Variants in SEMA4D observed in about 807,000 individuals in gnomAD.
SEMA4D encodes the protein semaphorin 4D.
Under a neutral mutation model 74.8 loss-of-function variants are expected in SEMA4D, and 22 were observed. That is an observed-to-expected ratio of 0.29 (90% CI 0.21 to 0.42). The LOEUF (loss-of-function observed/expected upper bound fraction) is 0.42, where lower values mean the gene tolerates loss of function less well. Among genes scored for constraint, SEMA4D ranks in the 10% least tolerant of loss-of-function variants. The pLI is 1.00. For synonymous variants in SEMA4D, 445 were observed against 463.7 expected, an observed-to-expected ratio of 0.96 and a Z score of 0.52; for missense variants, 937 against 1,118.4, an observed-to-expected ratio of 0.84 and a Z score of 2.31.
At chr9:89,418,101 C>T (rs1036303987) in intron 2 of SEMA4D, 27 of 984,908 alleles carry the variant, frequency 2.7e-5, no homozygotes, top group Non-Finnish European at 3.1e-5. Flanking sequence ...TCTAGAAAGA[C>T]GTCTTCAGAA....
intron 8 of SEMA4D, 77 bp from the exon 9 acceptor site, chr9:89,391,492 C>A: frequency 1.4e-6 from 2 of 1,463,990 alleles, no homozygotes; most frequent in Non-Finnish European, 1.9e-6. Flanking sequence ...ACGAGGCCGG[C>A]CAACACTACC....
intron 2 of SEMA4D, among the ~76,000 whole-genome samples, chr9:89,435,026 G>A (rs906474183): frequency 2.0e-5 from 3 of 152,136 alleles, no homozygotes; most frequent in African/African-American, 7.2e-5. Flanking sequence ...TTAATACTGG[G>A]AAGTCCCAAC....
At chr9:89,414,502 G>A (rs1328465623) in intron 2 of SEMA4D, among the ~76,000 whole-genome samples, 1 of 152,140 alleles carries the variant, frequency 6.6e-6, no homozygotes, top group Non-Finnish European at 1.5e-5. Flanking sequence ...ACCATGCCCT[G>A]CCAGTACCTG....
intron 2 of SEMA4D, among the ~76,000 whole-genome samples, chr9:89,437,122 G>A (rs147347379): frequency 1.7e-3 from 259 of 152,314 alleles, no homozygotes; most frequent in African/African-American, 5.8e-3. Flanking sequence ...CTGGGCAGAC[G>A]ACCCTAAAAC....
chr9:89,378,473 C>T lies in SEMA4D; in HGVS notation c.*231G>A, dbSNP rs906625714. 11 of 524,100 alleles carry T rather than the reference C, an allele frequency of 2.1e-5. No individual in the cohort carries two copies. Among genetic ancestry groups the T allele is most frequent in the African/African-American group, 5.7e-5 (3 of 52,470 alleles). The allele number at this position is 524,100 out of a possible 1,614,324, so 32.5% of individuals were successfully genotyped here. A position where few individuals can be genotyped will look rare whatever the true frequency, so the allele number is the denominator to read the frequency against. On this transcript the variant is annotated 3_prime_UTR_variant, in exon 16 of 16. Transcript: ENST00000422704. ...CTTCTTCAAGTACTCCGACTGACTT[C>T]GGAACACAAGACTGGGATGCAATGC...
At chr9:89,421,514 G>A (rs1035575234) in intron 2 of SEMA4D, among the ~76,000 whole-genome samples, 9 of 152,314 alleles carry the variant, frequency 5.9e-5, no homozygotes, top group Middle Eastern at 3.4e-3. Flanking sequence ...TATACCCCAT[G>A]TGTGCAATAT....
intron 1 of SEMA4D, among the ~76,000 whole-genome samples, chr9:89,458,880 A>C (rs539931311): frequency 4.6e-5 from 7 of 152,230 alleles, no homozygotes; most frequent in African/African-American, 1.7e-4. Context: ...ACACATGCAC[A>C]AACATATGTA....
In SEMA4D at chr9:89,391,379, C is replaced by T; in HGVS notation, c.659G>A (p.Ser220Asn). The T allele has an allele frequency of 1.2e-6, 2 of 1,614,250 alleles. No homozygotes were observed. Among genetic ancestry groups the T allele is most frequent in the Non-Finnish European group, 1.7e-6 (2 of 1,180,056 alleles). ...ATCCTCGCCGTCGGGGCTGTCTGGG[C>T]TTTTTCGGATCACGTCAGCAAACAC... is the stretch of plus-strand genomic sequence containing the variant. Reference protein sequence around the residue: ...SFVFADVIRKSPDSPDGEDDR... With the variant: ...SFVFADVIRKNPDSPDGEDDR... Residue 220 changes from serine to asparagine, a missense_variant, in exon 9 of 16, where the codon AGC (serine) becomes AAC (asparagine). Ser to Asn is a conservative substitution (Grantham distance 46, BLOSUM62 1). Coordinates refer to ENST00000422704, the MANE Select transcript of SEMA4D (RefSeq NM_001371194.2).
At chr9:89,382,827 G>A (rs561985818) in intron 13 of SEMA4D, among the ~76,000 whole-genome samples, 1 of 152,316 alleles carries the variant, frequency 6.6e-6, no homozygotes, top group Non-Finnish European at 1.5e-5. Context: ...GGGTGCCCTG[G>A]GTGGCCAAGT....
chr9:89,496,425 C>A (rs989833583), intron 1 of SEMA4D, among the ~76,000 whole-genome samples: 4 of 152,226 alleles, frequency 2.6e-5, no homozygotes, highest in African/African-American at 9.7e-5. Flanking sequence ...CCCAGGGCTG[C>A]TCCTGGCACC....
Position 89,405,734 on chromosome 9 carries a change from T to G in SEMA4D, c.-243-35A>C, listed in dbSNP as rs1421433885. 6 of 1,392,774 alleles carry G rather than the reference T, an allele frequency of 4.3e-6. No homozygotes were observed. In the South Asian group the frequency reaches 1.0e-4, roughly 24 times the overall value. The allele number at this position is 1,392,774 out of a possible 1,614,324, so 86.3% of individuals were successfully genotyped here. On this transcript the variant is annotated intron_variant, in intron 2 of 15. Coordinates refer to ENST00000422704, the MANE Select transcript of SEMA4D (RefSeq NM_001371194.2). Reference sequence around the variant, plus strand: ...CATGAGAAAGAAAAGGCAGGACCCATGGTGAGTGATGACCTGCTTCTCACT... The same window carrying G: ...CATGAGAAAGAAAAGGCAGGACCCAGGGTGAGTGATGACCTGCTTCTCACT...
rs765338663 is a variant in SEMA4D at position 89,387,537 on chromosome 9, G to A, written c.1179C>T (p.Phe393=). 14 of 1,614,088 alleles carry A rather than the reference G, an allele frequency of 8.7e-6. No homozygotes were observed. The East Asian group carries it at 8.9e-5, about 10-fold the overall frequency. ...CATCCATCAAAGGGTGGTCTTTAACGAACTGCAGCGTCTTGTCTGGCAAAT... is the reference window on the plus strand; with the variant it reads ...CATCCATCAAAGGGTGGTCTTTAACAAACTGCAGCGTCTTGTCTGGCAAAT... The part of the protein sequence containing the change: ...SLNLPDKTLQ[F]VKDHPLMDDS... Residue 393 remains phenylalanine, a synonymous_variant, in exon 12 of 16, where the codon TTC becomes TTT. Transcript: ENST00000422704.
chr9:89,472,470 A>AC (rs58068280), intron 1 of SEMA4D: 217,195 of 251,688 alleles, frequency 0.86, 95,030 homozygotes, highest in Non-Finnish European at 0.92. Context: ...ACTGAGAAGC[A>AC]CCCCCCTTTT....
chr9:89,467,656 C>A (rs919499177), intron 1 of SEMA4D, among the ~76,000 whole-genome samples: 1 of 151,966 alleles, frequency 6.6e-6, no homozygotes, highest in African/African-American at 2.4e-5. Context: ...CTCAGCCTCC[C>A]AAGTAGCTGG....
At chr9:89,475,780 G>A (rs541339247) in intron 1 of SEMA4D, among the ~76,000 whole-genome samples, 12 of 152,296 alleles carry the variant, frequency 7.9e-5, no homozygotes, top group Admixed American at 5.9e-4. Flanking sequence ...ATGTCAGCAG[G>A]CTCACAGAGA....
chr9:89,373,807 G>C (rs1037818440), downstream of SEMA4D, among the ~76,000 whole-genome samples: 14 of 152,190 alleles, frequency 9.2e-5, no homozygotes, highest in Admixed American at 8.5e-4. Flanking sequence ...GCCTCACCTG[G>C]AATGGCTCAT....
rs772475590 is a variant in SEMA4D at position 89,402,952 on chromosome 9, C to T, written c.171G>A (p.Glu57=). 2.1e-5 allele frequency: 34 copies of T among 1,613,932 alleles called. No individual in the cohort carries two copies. The highest frequency in any genetic ancestry group is 1.6e-4 in the Middle Eastern group (1 of 6,084). ...CACCTATGTACAAGGTGTCCTTGTC[C>T]TCGCTCAGCAGCAAGGCTGAGTAGT... is the stretch of plus-strand genomic sequence containing the variant. ...IYNYSALLLS[E]DKDTLYIGAR... is the part of the protein sequence containing the mutation. Residue 57 remains glutamate (E), a synonymous_variant, in exon 4 of 16, where the codon GAG becomes GAA. Transcript: ENST00000422704.
chr9:89,376,575 A>G (rs917512864), downstream of SEMA4D: 12 of 424,826 alleles, frequency 2.8e-5, no homozygotes, highest in Non-Finnish European at 5.0e-5. Flanking sequence ...TGCAGCCCAC[A>G]AGGCCTAAAT....
At chr9:89,476,078 G>C (rs934041442) in intron 1 of SEMA4D, among the ~76,000 whole-genome samples, 2 of 152,204 alleles carry the variant, frequency 1.3e-5, no homozygotes, top group Non-Finnish European at 2.9e-5. Flanking sequence ...AGCGCAGCTT[G>C]CACAAGGCCC....
Sources: gnomAD v4.1 joint callset for allele counts (sites outside exome capture counted in the v4.1 genomes callset) on GRCh38, gnomAD v4.1.1 for gene constraint, MANE v1.5 for transcripts, NCBI Gene and HGNC (gene_info 2026-07-23, HGNC 2026-07-21) for gene names.